Variants in CWC25 observed in about 807,000 individuals in gnomAD.
The protein encoded by CWC25 is pre-mRNA-splicing factor CWC25 homolog.
CWC25 carries 31 observed loss-of-function variants against 54.6 expected under a neutral mutation model. The ratio of observed to expected loss-of-function variants is 0.57; its 90% confidence interval spans 0.43 to 0.77. The LOEUF (loss-of-function observed/expected upper bound fraction) is 0.77, where lower values mean the gene tolerates loss of function less well. CWC25 is among the 30% of genes least tolerant of loss of function. CWC25 has a pLI of 0.00. For synonymous variants in CWC25, 151 were observed against 187.0 expected, an observed-to-expected ratio of 0.81 and a Z score of 1.57; for missense variants, 453 against 529.3, an observed-to-expected ratio of 0.86 and a Z score of 1.41.
intron 4 of CWC25, 78 bp downstream of exon 4, chr17:38,812,717 G>A: frequency 1.2e-6 from 1 of 821,652 alleles, no homozygotes; most frequent in Non-Finnish European, 2.0e-6. Context: ...CCCCTGGTAA[G>A]CTGAGAGTAA....
chr17:38,815,498 A>G, intron 2 of CWC25: 1 of 435,966 alleles, frequency 2.3e-6, no homozygotes, highest in South Asian at 1.7e-5. Flanking sequence ...CAGAGGTTGC[A>G]GTAAGATCAC....
At chr17:38,812,299 T>G (rs1911522687) in intron 4 of CWC25, among the ~76,000 whole-genome samples, 1 of 152,090 alleles carries the variant, frequency 6.6e-6, no homozygotes, top group Admixed American at 6.6e-5. Flanking sequence ...TGCATGGTAA[T>G]GCTTTCCACA....
intron 2 of CWC25, chr17:38,815,834 T>C (rs1253541706): frequency 5.3e-6 from 2 of 374,088 alleles, no homozygotes; most frequent in South Asian, 2.6e-5. Context: ...TTGTGCATCT[T>C]GGTGCTTGTG....
chr17:38,810,285 C>G (rs1344915657), intron 5 of CWC25, 183 bp downstream of exon 5: 2 of 616,036 alleles, frequency 3.2e-6, no homozygotes, highest in Non-Finnish European at 5.5e-6. Flanking sequence ...CATTTAGCAT[C>G]TCCAAGGAAC....
At chr17:38,824,857 A>C (rs1912078257) in intron 1 of CWC25, among the ~76,000 whole-genome samples, 1 of 151,800 alleles carries the variant, frequency 6.6e-6, no homozygotes, top group African/African-American at 2.4e-5. Flanking sequence ...CTCCATATCT[A>C]CCTCCTTTCC....
intron 2 of CWC25, among the ~76,000 whole-genome samples, chr17:38,818,546 C>CGT (rs1421135415): frequency 8.5e-6 from 1 of 117,604 alleles, no homozygotes; most frequent in African/African-American, 3.2e-5. Context: ...GAGCCGAGAT[C>CGT]GTGCTGCACT....
At chr17:38,807,734 TGAGA>T (rs1202135432) in intron 6 of CWC25, among the ~76,000 whole-genome samples, 6 of 121,118 alleles carry the variant, frequency 5.0e-5, no homozygotes, top group African/African-American at 1.6e-4. Flanking sequence ...CCAGCTTGGA[TGAGA>T]GAGAAAGACC....
intron 2 of CWC25, among the ~76,000 whole-genome samples, chr17:38,817,943 G>T (rs1218711214): frequency 1.3e-5 from 2 of 151,624 alleles, no homozygotes; most frequent in Non-Finnish European, 2.9e-5. Flanking sequence ...TCCAGCCTGG[G>T]AGACAGAGCA....
chr17:38,810,772 A>G (rs909988040), intron 4 of CWC25, among the ~76,000 whole-genome samples, 177 bp from the exon 5 acceptor site: 1 of 151,592 alleles, frequency 6.6e-6, no homozygotes, highest in African/African-American at 2.4e-5. Context: ...AAAATACAAA[A>G]ATCAGCTGGG....
intron 1 of CWC25, among the ~76,000 whole-genome samples, chr17:38,824,849 C>T (rs1912077930): frequency 6.6e-6 from 1 of 152,104 alleles, no homozygotes. Flanking sequence ...GACACGTCCT[C>T]CATATCTACC....
intron 9 of CWC25, 42 bp from the exon 10 acceptor site, chr17:38,802,248 C>T (rs1911058981): frequency 1.5e-6 from 2 of 1,360,956 alleles, no homozygotes; most frequent in Non-Finnish European, 1.0e-6. Context: ...AAAACATTTT[C>T]AATCAGTCAA....
rs1435233001 is a variant in CWC25 at position 38,806,413 on chromosome 17, G to A, written c.903-18C>T. The A allele has an allele frequency of 6.2e-7, 1 of 1,607,776 alleles. No individual in the cohort carries two copies. The highest frequency in any genetic ancestry group is 8.5e-7 in the Non-Finnish European group (1 of 1,176,114). On this transcript the variant is annotated intron_variant, in intron 7 of 9. Transcript: ENST00000614790. Reference sequence around the variant, plus strand: ...AGTTGTGCCTGTAGCAGACACAGAAGGCAAAGAGGAAAAAGCCTTTTTGGT... The same window carrying A: ...AGTTGTGCCTGTAGCAGACACAGAAAGCAAAGAGGAAAAAGCCTTTTTGGT...
intron 7 of CWC25, 144 bp downstream of exon 7, chr17:38,806,621 A>G (rs78213578): frequency 1.4e-6 from 1 of 723,630 alleles, no homozygotes; most frequent in Non-Finnish European, 2.1e-6. Context: ...ATTGAGGTGG[A>G]AAAAAAAAAT....
intron 8 of CWC25, among the ~76,000 whole-genome samples, chr17:38,805,816 CT>C (rs1234037496): frequency 2.3e-3 from 321 of 142,538 alleles, no homozygotes; most frequent in Middle Eastern, 3.6e-3. Flanking sequence ...TGTTAAGAGA[CT>C]TTTTTTTTTT....
rs1428553406 is a variant in CWC25 at position 38,807,864 on chromosome 17, C to T, written c.691-888G>A. On this transcript the variant is annotated intron_variant, in intron 6 of 9. Transcript: ENST00000614790. ...ACGAGGCCAGGAGATCAAGACCATC[C>T]TAGCTAACATGGTGAAACACTGTCT... 1.6e-4 allele frequency among the ~76,000 whole-genome samples: 22 copies of T among 136,832 alleles called. 4 individuals are homozygous for T. The highest frequency in any genetic ancestry group is 9.6e-4 in the South Asian group (4 of 4,186). The allele number at this position is 136,832 out of a possible 152,430, so 89.8% of individuals were successfully genotyped here. A position where few individuals can be genotyped will look rare whatever the true frequency, so the allele number is the denominator to read the frequency against.
chr17:38,804,216 A>G (rs1911137423), intron 8 of CWC25, among the ~76,000 whole-genome samples: 1 of 152,110 alleles, frequency 6.6e-6, no homozygotes, highest in Non-Finnish European at 1.5e-5. Flanking sequence ...AGTATCAGTA[A>G]ACAATATTTA....
At chr17:38,805,526 C>A (rs951022513) in intron 8 of CWC25, among the ~76,000 whole-genome samples, 1 of 152,090 alleles carries the variant, frequency 6.6e-6, no homozygotes, top group African/African-American at 2.4e-5. Context: ...GTTGCTCAGA[C>A]TGGTCTGGAA....
At chr17:38,822,601 G>A (rs918076370) in intron 1 of CWC25, among the ~76,000 whole-genome samples, 5 of 152,116 alleles carry the variant, frequency 3.3e-5, no homozygotes, top group Admixed American at 6.6e-5. Context: ...AATATCTAAA[G>A]ACAATTGTAA....
chr17:38,814,018 T>C (rs685931), intron 3 of CWC25, among the ~76,000 whole-genome samples: 143,537 of 151,980 alleles, frequency 0.94, 67,830 homozygotes, highest in East Asian at 1. Flanking sequence ...CCTGCCACCA[T>C]GCCTGGCTAA....
Sources: gnomAD v4.1 joint callset for allele counts (sites outside exome capture counted in the v4.1 genomes callset) on GRCh38, gnomAD v4.1.1 for gene constraint, MANE v1.5 for transcripts, NCBI Gene and HGNC (gene_info 2026-07-23, HGNC 2026-07-21) for gene names.